SNX29: variants seen among roughly 807,000 people sequenced by gnomAD.
SNX29 encodes sorting nexin-29.
SNX29 carries 78 observed loss-of-function variants against 102.1 expected under a neutral mutation model. The observed-to-expected ratio is 0.76, with a 90% CI of 0.64 to 0.92. The LOEUF (loss-of-function observed/expected upper bound fraction) is 0.92, where lower values mean the gene tolerates loss of function less well. SNX29 is among the 40% of genes least tolerant of loss of function. The pLI, the probability that SNX29 is intolerant of heterozygous loss-of-function variation, is 0.00. For synonymous variants in SNX29, 580 were observed against 414.5 expected, an observed-to-expected ratio of 1.40 and a Z score of -4.85; for missense variants, 1,280 against 1,061.7, an observed-to-expected ratio of 1.21 and a Z score of -2.86.
chr16:12,498,009 A>G (rs1343912386), intron 19 of SNX29, among the ~76,000 whole-genome samples: 1 of 152,234 alleles, frequency 6.6e-6, no homozygotes, highest in Non-Finnish European at 1.5e-5. Context: ...GGACATGGGT[A>G]GCAAGCAGGC....
At chr16:12,001,421 T>C (rs2056283561) in intron 2 of SNX29, among the ~76,000 whole-genome samples, 1 of 151,928 alleles carries the variant, frequency 6.6e-6, no homozygotes, top group African/African-American at 2.4e-5. Context: ...CCTGCTGTTA[T>C]TATTATCATT....
chr16:12,223,748 G>T (rs2077537558), intron 14 of SNX29, among the ~76,000 whole-genome samples: 2 of 152,208 alleles, frequency 1.3e-5, no homozygotes, highest in Admixed American at 1.3e-4. Context: ...CAGCGCTTCT[G>T]CATGTGATGA....
At chr16:12,200,505 C>G (rs1424831716) in intron 14 of SNX29, among the ~76,000 whole-genome samples, 1 of 149,118 alleles carries the variant, frequency 6.7e-6, no homozygotes, top group Non-Finnish European at 1.5e-5. Flanking sequence ...TTTTTTGAGA[C>G]AGAGCCTCAC....
At chr16:12,354,332 G>C (rs893970332) in intron 15 of SNX29, among the ~76,000 whole-genome samples, 1 of 152,180 alleles carries the variant, frequency 6.6e-6, no homozygotes, top group African/African-American at 2.4e-5. Flanking sequence ...AGTTGCATGG[G>C]ATTTTTCCTT....
intron 18 of SNX29, among the ~76,000 whole-genome samples, chr16:12,419,275 C>T (rs2084773651): frequency 6.6e-6 from 1 of 152,104 alleles, no homozygotes; most frequent in Non-Finnish European, 1.5e-5. Flanking sequence ...GTGACAGCAT[C>T]CTCTCAATGC....
chr16:12,109,058 G>A (rs1369302534), intron 11 of SNX29, among the ~76,000 whole-genome samples: 2 of 146,668 alleles, frequency 1.4e-5, no homozygotes, highest in Non-Finnish European at 3.0e-5. Flanking sequence ...AACCTGGGGA[G>A]CAGAGGTTGC....
At chr16:12,537,701 C>G (rs1053021577) in intron 20 of SNX29, among the ~76,000 whole-genome samples, 2 of 152,150 alleles carry the variant, frequency 1.3e-5, no homozygotes, top group East Asian at 3.8e-4. Flanking sequence ...TGAAACTTCA[C>G]TTTGGAAAAA....
At chr16:12,563,701 A>T (rs916552965) in intron 20 of SNX29, among the ~76,000 whole-genome samples, 3 of 152,184 alleles carry the variant, frequency 2.0e-5, no homozygotes, top group Admixed American at 2.0e-4. Flanking sequence ...CTCATGTAAG[A>T]GGAACATGAG....
intron 19 of SNX29, among the ~76,000 whole-genome samples, chr16:12,509,190 C>G (rs1001738031): frequency 6.6e-6 from 1 of 152,190 alleles, no homozygotes; most frequent in South Asian, 2.1e-4. Flanking sequence ...CTCTGAGAAT[C>G]TCTAATCCAG....
At chr16:12,204,084 T>C (rs766327157) in intron 14 of SNX29, among the ~76,000 whole-genome samples, 2 of 152,176 alleles carry the variant, frequency 1.3e-5, no homozygotes, top group Non-Finnish European at 2.9e-5. Flanking sequence ...CTGGGGCCGC[T>C]GTAGTCAGCT....
chr16:12,180,263 T>G (rs372282358), intron 13 of SNX29, among the ~76,000 whole-genome samples: 2 of 152,210 alleles, frequency 1.3e-5, no homozygotes, highest in Admixed American at 1.3e-4. Flanking sequence ...TGAAATACTT[T>G]CTTTAATGTT....
At chr16:12,059,939 C>A (rs1200212616) in intron 8 of SNX29, among the ~76,000 whole-genome samples, 1 of 152,180 alleles carries the variant, frequency 6.6e-6, no homozygotes, top group African/African-American at 2.4e-5. Context: ...CACACTTTTT[C>A]TTCTTTTGCC....
rs56817982 is a variant in SNX29, at chr16:12,148,195, G to A, written c.1595+18437G>A. The stretch of plus-strand genomic sequence containing the variant: ...TCTGAGACCCGAGAGAGCTCCCTGA[G>A]AGCTGAGCCACACAGGTTAAAGTGG... On this transcript the variant is annotated intron_variant, in intron 13 of 20. Transcript: ENST00000566228. Among the ~76,000 whole-genome samples the A allele has an allele frequency of 2.5e-3, 388 of 152,314 alleles. 1 individual carries two copies. The highest frequency in any genetic ancestry group is 8.4e-3 in the African/African-American group (349 of 41,556).
At chr16:12,432,345 AT>A (rs1240175812) in intron 18 of SNX29, among the ~76,000 whole-genome samples, 9 of 152,198 alleles carry the variant, frequency 5.9e-5, no homozygotes, top group Non-Finnish European at 1.2e-4. Context: ...AAACAGATGC[AT>A]TTTTGGGGTC....
At chr16:12,162,565 C>G (rs973241024) in intron 13 of SNX29, among the ~76,000 whole-genome samples, 8 of 152,184 alleles carry the variant, frequency 5.3e-5, no homozygotes, top group African/African-American at 1.9e-4. Context: ...TTCACAGAAA[C>G]AGAGCAGAAA....
intron 11 of SNX29, among the ~76,000 whole-genome samples, chr16:12,123,974 A>G (rs932830272): frequency 6.6e-6 from 1 of 152,212 alleles, no homozygotes; most frequent in African/African-American, 2.4e-5. Context: ...TTCCAGTGGA[A>G]GGAGCTGAGA....
intron 11 of SNX29, among the ~76,000 whole-genome samples, chr16:12,080,426 T>C (rs981470192): frequency 1.3e-5 from 2 of 152,232 alleles, no homozygotes; most frequent in African/African-American, 4.8e-5. Flanking sequence ...TGTTAATAGA[T>C]CACTCAGTCC....
chr16:12,556,698 C>T (rs1230376127), intron 20 of SNX29, among the ~76,000 whole-genome samples: 1 of 152,030 alleles, frequency 6.6e-6, no homozygotes, highest in Non-Finnish European at 1.5e-5. Flanking sequence ...GAGGCAGAAG[C>T]CAAAGGCCAG....
rs550007933 is a variant in SNX29 at position 12,205,786 on chromosome 16, G to T, written c.1678+6103G>T. On this transcript the variant is annotated intron_variant, in intron 14 of 20. Coordinates refer to ENST00000566228, the MANE Select transcript of SNX29 (RefSeq NM_032167.5). ...TTGATTTTCTTGCTTGTTTCTTCCC[G>T]GTGTTCCACCTTGCACTGTACAGCC... 3.3e-5 allele frequency among the ~76,000 whole-genome samples: 5 copies of T among 152,246 alleles called. No homozygotes were observed. In the East Asian group the frequency reaches 9.6e-4, roughly 29 times the overall value.
Sources: gnomAD v4.1 joint callset for allele counts (sites outside exome capture counted in the v4.1 genomes callset) on GRCh38, gnomAD v4.1.1 for gene constraint, MANE v1.5 for transcripts, NCBI Gene and HGNC (gene_info 2026-07-23, HGNC 2026-07-21) for gene names.